The following RIC1 variants were observed in gnomAD, a reference collection of about 807,000 sequenced individuals.
RIC1 encodes the protein RIC1 partner of RAB6A GEF complex.
In RIC1, 88 loss-of-function variants were observed where a neutral mutation model predicts 169.0. The ratio of observed to expected loss-of-function variants is 0.52; its 90% CI spans 0.44 to 0.62. The LOEUF is 0.62. RIC1 is among the 20% of genes least tolerant of loss of function. RIC1 has a pLI of 0.00. For synonymous variants in RIC1, 790 were observed against 601.5 expected, an observed-to-expected ratio of 1.31 and a Z score of -4.59; for missense variants, 1,877 against 1,725.5, an observed-to-expected ratio of 1.09 and a Z score of -1.56.
chr9:5,701,290 C>T (rs1822202045), intron 3 of RIC1, among the ~76,000 whole-genome samples: 1 of 151,986 alleles, frequency 6.6e-6, no homozygotes, highest in African/African-American at 2.4e-5. Flanking sequence ...TGGAGTATAT[C>T]GATTTAAATG....
chr9:5,730,693 A>G (rs187176931), intron 6 of RIC1, among the ~76,000 whole-genome samples: 1 of 152,280 alleles, frequency 6.6e-6, no homozygotes, highest in African/African-American at 2.4e-5. Flanking sequence ...CTGAGTAGCA[A>G]TTCCACAAGT....
chr9:5,663,334 T>C (rs1732863751), intron 2 of RIC1, among the ~76,000 whole-genome samples: 1 of 152,198 alleles, frequency 6.6e-6, no homozygotes, highest in African/African-American at 2.4e-5. Flanking sequence ...TGTAGATATC[T>C]GTCAGGTCCA....
At chr9:5,767,237 A>AT (rs1160800317) in intron 21 of RIC1, among the ~76,000 whole-genome samples, 1 of 152,204 alleles carries the variant, frequency 6.6e-6, no homozygotes, top group Admixed American at 6.5e-5. Flanking sequence ...CTTGTGACCT[A>AT]TTGATTAGAG....
At chr9:5,742,232 G>A (rs1825124703) in intron 8 of RIC1, among the ~76,000 whole-genome samples, 1 of 152,090 alleles carries the variant, frequency 6.6e-6, no homozygotes, top group South Asian at 2.1e-4. Context: ...CCTGTCTTGG[G>A]CAAGCTCTGA....
At chr9:5,632,630 T>C (rs1046045504) in intron 1 of RIC1, among the ~76,000 whole-genome samples, 1 of 152,240 alleles carries the variant, frequency 6.6e-6, no homozygotes, top group African/African-American at 2.4e-5. Context: ...ATTGGGGTGG[T>C]AGAGGTAGAA....
chr9:5,630,309 A>G (rs1817658218), intron 1 of RIC1, among the ~76,000 whole-genome samples: 1 of 152,224 alleles, frequency 6.6e-6, no homozygotes, highest in African/African-American at 2.4e-5. Flanking sequence ...TGAGAACGAC[A>G]GAGTTCAGAG....
Position 5,774,792 on chromosome 9 carries a change from G to A in RIC1, c.*546G>A, listed in dbSNP as rs1827487927. The A allele has an allele frequency of 1.3e-5, 2 of 152,266 alleles. No homozygotes were observed. Among genetic ancestry groups the A allele is most frequent in the Admixed American group, 6.5e-5 (1 of 15,292 alleles). The allele number at this position is 152,266 out of a possible 1,614,324, so 9.4% of individuals were successfully genotyped here. On this transcript the variant is annotated 3_prime_UTR_variant, in exon 26 of 26. Coordinates refer to ENST00000414202, the MANE Select transcript of RIC1 (RefSeq NM_020829.4). ...GGAAACATTCTCCTTGGCTTTACTA[G>A]CCAGTCAAATCCCAGTCCAGAATTG...
At chr9:5,672,612 T>C (rs1331492222) in intron 2 of RIC1, among the ~76,000 whole-genome samples, 1 of 152,104 alleles carries the variant, frequency 6.6e-6, no homozygotes, top group Non-Finnish European at 1.5e-5. Context: ...ATGAGTGTTA[T>C]AGAAAGAAAA....
At chr9:5,683,677 A>C (rs1160557286) in intron 2 of RIC1, among the ~76,000 whole-genome samples, 1 of 152,222 alleles carries the variant, frequency 6.6e-6, no homozygotes, top group African/African-American at 2.4e-5. Context: ...CAAAGCTGTC[A>C]GACAGGGACA....
chr9:5,679,332 T>C (rs544321823), intron 2 of RIC1, among the ~76,000 whole-genome samples: 2,029 of 152,238 alleles, frequency 0.013, 54 homozygotes, highest in African/African-American at 0.046. Context: ...GGCTCTTTTT[T>C]GGTTCCATAT....
At chr9:5,726,235 T>C (rs1823972994) in intron 6 of RIC1, among the ~76,000 whole-genome samples, 1 of 152,230 alleles carries the variant, frequency 6.6e-6, no homozygotes, top group Non-Finnish European at 1.5e-5. Context: ...ATCTGGGTGC[T>C]CCTGTATTGG....
At chr9:5,683,193 C>T (rs1257065872) in intron 2 of RIC1, among the ~76,000 whole-genome samples, 1 of 152,204 alleles carries the variant, frequency 6.6e-6, no homozygotes, top group Non-Finnish European at 1.5e-5. Context: ...TTGTGAGGAG[C>T]TGCGTTCCTT....
Position 5,665,831 on chromosome 9 carries a change from G to T in RIC1, c.252+9141G>T, listed in dbSNP as rs146179470. Reference sequence around the variant, plus strand: ...TCTTTGGAAGCTCCTTCACAGGGGGGTACTGACCTGTTGTTAGCTCAGATG... The same window carrying T: ...TCTTTGGAAGCTCCTTCACAGGGGGTTACTGACCTGTTGTTAGCTCAGATG... On this transcript the variant is annotated intron_variant, in intron 2 of 25. Coordinates refer to ENST00000414202, the MANE Select transcript of RIC1 (RefSeq NM_020829.4). Among the ~76,000 whole-genome samples the T allele has an allele frequency of 2.7e-4, 41 of 152,260 alleles. No individual in the cohort carries two copies. The South Asian group carries it at 7.9e-3, about 29-fold the overall frequency.
At chr9:5,671,974 A>T (rs748419673) in intron 2 of RIC1, among the ~76,000 whole-genome samples, 2 of 152,198 alleles carry the variant, frequency 1.3e-5, no homozygotes, top group Non-Finnish European at 2.9e-5. Flanking sequence ...GGACATTAGC[A>T]GGGCTTCCCA....
At chr9:5,715,804 C>G (rs1408225550) in intron 4 of RIC1, among the ~76,000 whole-genome samples, 2 of 144,276 alleles carry the variant, frequency 1.4e-5, no homozygotes, top group Non-Finnish European at 3.0e-5. Flanking sequence ...CCCTTCCCCT[C>G]CCCTCCCATC....
rs114993596 is a variant in RIC1, at chr9:5,632,126, C to T, written c.144+2673C>T. Among the ~76,000 whole-genome samples, 258 of 152,196 alleles carry T rather than the reference C, an allele frequency of 1.7e-3. 1 individual carries two copies. The highest frequency in any genetic ancestry group is 5.7e-3 in the African/African-American group (236 of 41,526). Reference sequence around the variant, plus strand: ...GCATTTGAAGGCAGGGAGACATGCTCGTAGAGATGATAAAACAAGATTTGC... The same window carrying T: ...GCATTTGAAGGCAGGGAGACATGCTTGTAGAGATGATAAAACAAGATTTGC... On this transcript the variant is annotated intron_variant, in intron 1 of 25. Transcript: ENST00000414202.
At chr9:5,712,561 T>C (rs537343600) in intron 3 of RIC1, among the ~76,000 whole-genome samples, 21 of 152,358 alleles carry the variant, frequency 1.4e-4, no homozygotes, top group African/African-American at 3.8e-4. Flanking sequence ...AGAAGACATA[T>C]GTCTTTTTAA....
chr9:5,631,349 T>C (rs1390493343), intron 1 of RIC1, among the ~76,000 whole-genome samples: 1 of 152,038 alleles, frequency 6.6e-6, no homozygotes, highest in Middle Eastern at 3.2e-3. Flanking sequence ...GGTTTAGAGG[T>C]CTGGAGTGAA....
At chr9:5,651,363 T>C (rs1003729938) in intron 1 of RIC1, among the ~76,000 whole-genome samples, 1 of 152,042 alleles carries the variant, frequency 6.6e-6, no homozygotes, top group African/African-American at 2.4e-5. Context: ...TTGGGTTTTT[T>C]TTTTGTGAAG....
Sources: allele counts gnomAD v4.1 joint callset (sites outside exome capture counted in the v4.1 genomes callset), GRCh38; gene constraint gnomAD v4.1.1; transcripts MANE v1.5; gene names NCBI Gene and HGNC (gene_info 2026-07-23, HGNC 2026-07-21).